SIPA1L3: variants seen among roughly 807,000 people sequenced by gnomAD.
SIPA1L3 encodes the protein signal induced proliferation associated 1 like 3.
Under a neutral mutation model 150.1 loss-of-function variants are expected in SIPA1L3, and 59 were observed. The observed-to-expected ratio is 0.39, with a 90% confidence interval of 0.32 to 0.49. The LOEUF (loss-of-function observed/expected upper bound fraction) is 0.49. SIPA1L3 is among the 20% of genes least tolerant of loss of function. The pLI is 0.86. For missense variants in SIPA1L3, 2,211 were observed against 2,489.5 expected (o/e 0.89, Z 2.38); for synonymous variants, 1,070 against 1,077.6 (o/e 0.99, Z 0.14).
rs770194975 is a variant in SIPA1L3, at chr19:38,088,798, C to G, written c.1612C>G (p.His538Asp). 1 of 1,613,938 alleles carries G rather than the reference C, an allele frequency of 6.2e-7. No homozygotes were observed. The highest frequency in any genetic ancestry group is 2.2e-5 in the East Asian group (1 of 44,882). The change falls in exon 4 of 22, where the codon CAC becomes GAC. Residue 538 changes from histidine (H) to aspartate (D), a missense_variant. Transcript: ENST00000222345. Reference protein sequence around the residue: ...VSIKREKLEDHKEHGPQYQYR... With the variant: ...VSIKREKLEDDKEHGPQYQYR... The stretch of plus-strand genomic sequence containing the variant: ...CATTAAGCGGGAGAAGCTGGAAGAC[C>G]ACAAGGAGCACGGACCTCAGTACCA...
intron 3 of SIPA1L3, among the ~76,000 whole-genome samples, chr19:38,087,540 AC>A (rs1970161238): frequency 1.3e-5 from 2 of 152,186 alleles, no homozygotes; most frequent in Non-Finnish European, 2.9e-5. Context: ...ATCAAGACAG[AC>A]CGCTGGCGGA....
At chr19:38,118,433 G>C (rs1326201421) in intron 8 of SIPA1L3, among the ~76,000 whole-genome samples, 1 of 152,052 alleles carries the variant, frequency 6.6e-6, no homozygotes, top group Non-Finnish European at 1.5e-5. Context: ...TCTGCCACAC[G>C]GTCTATGTAT....
rs369210429 is a variant in SIPA1L3 at position 38,171,626 on chromosome 19, C to T, written c.4208+6720C>T. On this transcript the variant is annotated intron_variant, in intron 15 of 21. Transcript: ENST00000222345. The stretch of plus-strand genomic sequence containing the variant: ...CAGGCTGGTCTCGAACTCCTGACCT[C>T]GGGTGACCCACCCACCTTGGCCTCC... Among the ~76,000 whole-genome samples the T allele has an allele frequency of 6.6e-4, 100 of 151,992 alleles. 1 individual carries two copies. The highest frequency in any genetic ancestry group is 2.3e-3 in the African/African-American group (97 of 41,464).
intron 1 of SIPA1L3, among the ~76,000 whole-genome samples, chr19:38,024,477 C>G (rs775209397): frequency 6.6e-6 from 1 of 151,798 alleles, no homozygotes; most frequent in African/African-American, 2.4e-5. Flanking sequence ...GCAGTCTCCT[C>G]GGAGGACTGT....
At chr19:38,095,458 G>C (rs924775243) in intron 4 of SIPA1L3, among the ~76,000 whole-genome samples, 1 of 152,210 alleles carries the variant, frequency 6.6e-6, no homozygotes, top group Non-Finnish European at 1.5e-5. Flanking sequence ...GAGTACGTCT[G>C]AGTCAGGAGT....
intron 1 of SIPA1L3, among the ~76,000 whole-genome samples, chr19:37,930,681 T>C (rs2046545743): frequency 6.6e-6 from 1 of 152,144 alleles, no homozygotes; most frequent in African/African-American, 2.4e-5. Flanking sequence ...TGATCCATCT[T>C]GGGCTCCCTG....
intron 8 of SIPA1L3, among the ~76,000 whole-genome samples, chr19:38,118,285 C>T (rs902658505): frequency 3.3e-5 from 5 of 151,822 alleles, no homozygotes; most frequent in African/African-American, 7.3e-5. Context: ...ATTACCCAGG[C>T]GTGGTGGTGG....
intron 2 of SIPA1L3, among the ~76,000 whole-genome samples, chr19:38,077,068 A>G (rs1039445626): frequency 3.3e-5 from 5 of 152,204 alleles, no homozygotes; most frequent in African/African-American, 1.2e-4. Context: ...AATTTTAGAA[A>G]GAGTATGGCT....
Position 38,164,460 on chromosome 19 carries a change from C to T in SIPA1L3, c.3781-19C>T, listed in dbSNP as rs778681533. ...CCTGCCCTGGAGTCTGGGAATGACA[C>T]GCTTCTCTTGCCTCTCAGGGAGAAC... On this transcript the variant is annotated intron_variant, in intron 14 of 21. Coordinates refer to ENST00000222345, the MANE Select transcript of SIPA1L3 (RefSeq NM_015073.3). This position sits in a 1 kb window ranked among gnomAD's most constrained non-coding sequence, Gnocchi z 4.1. 17 of 1,582,290 alleles carry T rather than the reference C, an allele frequency of 1.1e-5. No individual in the cohort carries two copies. The highest frequency in any genetic ancestry group is 1.4e-5 in the Non-Finnish European group (16 of 1,158,456).
intron 15 of SIPA1L3, among the ~76,000 whole-genome samples, chr19:38,171,804 C>T (rs183286664): frequency 1.3e-5 from 2 of 152,220 alleles, no homozygotes; most frequent in East Asian, 3.9e-4. Context: ...CAGCAGTGTG[C>T]TGTGATTGCA....
chr19:38,206,413 C>T lies in SIPA1L3; in HGVS notation c.*173C>T, dbSNP rs1351844706. 7 of 776,336 alleles carry T rather than the reference C, an allele frequency of 9.0e-6. No homozygotes were observed. The highest frequency in any genetic ancestry group is 1.8e-5 in the African/African-American group (1 of 55,888). The allele number at this position is 776,336 out of a possible 1,614,324, so 48.1% of individuals were successfully genotyped here. A position where few individuals can be genotyped will look rare whatever the true frequency, so the allele number is the denominator to read the frequency against. On this transcript the variant is annotated 3_prime_UTR_variant, in exon 22 of 22. Transcript: ENST00000222345. ...CTAGGGCTGTGAGTCAGGGTCAGCG[C>T]GCACAGCCCTCATGCCCCAGAGGGC...
chr19:38,026,596 C>A (rs1968515600), intron 1 of SIPA1L3, among the ~76,000 whole-genome samples: 2 of 152,146 alleles, frequency 1.3e-5, no homozygotes, highest in Non-Finnish European at 2.9e-5. Flanking sequence ...GGAACCCCTT[C>A]CCATACTAAC....
chr19:38,072,042 T>A (rs1468223986), intron 2 of SIPA1L3, among the ~76,000 whole-genome samples: 2 of 152,236 alleles, frequency 1.3e-5, no homozygotes, highest in Admixed American at 6.5e-5. Context: ...GACACACGTT[T>A]AAATGAGAAT....
At chr19:38,049,761 T>C (rs1039525352) in intron 2 of SIPA1L3, among the ~76,000 whole-genome samples, 1 of 152,130 alleles carries the variant, frequency 6.6e-6, no homozygotes, top group Non-Finnish European at 1.5e-5. Context: ...ATGAGGCTGC[T>C]CTGACCCGCG....
chr19:37,919,865 C>T (rs2046443772), intron 1 of SIPA1L3, among the ~76,000 whole-genome samples: 1 of 151,882 alleles, frequency 6.6e-6, no homozygotes, highest in African/African-American at 2.4e-5. Flanking sequence ...CATGCGCCAC[C>T]ATGCCTGGCT....
intron 17 of SIPA1L3, among the ~76,000 whole-genome samples, chr19:38,192,751 CCCCTCCCAGCCAGGCCTG>C (rs1471258483): frequency 6.6e-6 from 1 of 152,186 alleles, no homozygotes; most frequent in African/African-American, 2.4e-5. Flanking sequence ...CACTTCCCTT[CCCCTCCCAGCCAGGCCTG>C]CCCTACTCGT....
chr19:38,144,790 G>A (rs192713816), intron 12 of SIPA1L3, among the ~76,000 whole-genome samples: 16 of 152,282 alleles, frequency 1.1e-4, no homozygotes, highest in African/African-American at 3.4e-4. Flanking sequence ...AAAACCATGT[G>A]CACTCTGATG....
At chr19:38,155,730 C>A (rs1387205282) in intron 13 of SIPA1L3, among the ~76,000 whole-genome samples, 1 of 152,078 alleles carries the variant, frequency 6.6e-6, no homozygotes, top group Non-Finnish European at 1.5e-5. Context: ...CTGTGGGGTA[C>A]GGAAGAGGCT....
At chr19:38,178,817 A>C (rs1369948620) in intron 15 of SIPA1L3, among the ~76,000 whole-genome samples, 1 of 152,052 alleles carries the variant, frequency 6.6e-6, no homozygotes, top group African/African-American at 2.4e-5. Context: ...TTCAGTTCTC[A>C]GTTCTGATGC....
Sources: gnomAD v4.1 joint callset for allele counts (sites outside exome capture counted in the v4.1 genomes callset) on GRCh38, gnomAD v4.1.1 for gene constraint, Gnocchi (gnomAD v3.1) non-coding constraint, MANE v1.5 for transcripts, NCBI Gene and HGNC (gene_info 2026-07-23, HGNC 2026-07-21) for gene names.